The following LRBA variants were observed in gnomAD, a reference collection of about 807,000 sequenced individuals.
LRBA encodes the protein LPS responsive beige-like anchor protein.
A neutral mutation model predicts 330.0 loss-of-function variants in LRBA; 176 were observed. That is an observed-to-expected ratio of 0.53 (90% confidence interval 0.47 to 0.60). The LOEUF (loss-of-function observed/expected upper bound fraction) is 0.60. Ranked by LOEUF, LRBA falls within the 20% of genes least tolerant of loss-of-function variation. The pLI is 0.00. For synonymous variants in LRBA, 1,230 were observed against 1,193.0 expected (o/e 1.03, Z -0.64); for missense variants, 3,259 against 3,444.8 (o/e 0.95, Z 1.35).
chr4:150,665,117 A>C (rs1781454094), intron 37 of LRBA, among the ~76,000 whole-genome samples: 1 of 152,122 alleles, frequency 6.6e-6, no homozygotes, highest in Non-Finnish European at 1.5e-5. Flanking sequence ...TTCCTTACGC[A>C]ATCACACAGG....
chr4:150,292,953 G>A (rs1196428104), intron 53 of LRBA, among the ~76,000 whole-genome samples: 3 of 151,854 alleles, frequency 2.0e-5, no homozygotes, highest in Admixed American at 2.0e-4. Context: ...TGTATCATCT[G>A]AACTTTTATA....
chr4:150,835,552 A>AT lies in LRBA; in HGVS notation c.4570-3577dup, dbSNP rs533207367. On this transcript the variant is annotated intron_variant, in intron 28 of 56. Coordinates refer to ENST00000651943, the MANE Select transcript of LRBA (RefSeq NM_001364905.1). ...TGTAAGTTGGATTCCTAGGTATTTT[A>AT]TTTTTTTTGAAGCAATTGTGAATGG... is the stretch of plus-strand genomic sequence containing the variant. Among the ~76,000 whole-genome samples, 12 of 151,750 alleles carry AT rather than the reference A, an allele frequency of 7.9e-5. No individual in the cohort carries two copies. In the East Asian group the frequency reaches 1.4e-3, roughly 17 times the overall value.
At chr4:150,810,443 G>C (rs1743558448) in intron 31 of LRBA, among the ~76,000 whole-genome samples, 1 of 150,864 alleles carries the variant, frequency 6.6e-6, no homozygotes, top group Non-Finnish European at 1.5e-5. Context: ...TTATATACCG[G>C]AAGTTTTGTA....
chr4:150,466,067 C>T (rs1196178049), intron 44 of LRBA, among the ~76,000 whole-genome samples: 5 of 152,036 alleles, frequency 3.3e-5, no homozygotes, highest in Non-Finnish European at 7.4e-5. Flanking sequence ...ATCACAGGAT[C>T]AGATGATACA....
rs749173978 is a variant in LRBA, at chr4:150,852,136, G to T, written c.3574C>A (p.Pro1192Thr). The change falls in exon 23 of 57, where the codon CCA (proline) becomes ACA (threonine). Residue 1192 changes from proline (P) to threonine (T), a missense_variant. By Grantham distance (38) the Pro-to-Thr change is conservative. Coordinates refer to ENST00000651943, the MANE Select transcript of LRBA (RefSeq NM_001364905.1). Reference sequence around the variant, plus strand: ...GCTATTTGGGAAACAGTAGTTTCTGGTGACATAGCTGAAGACCCTGATGCT... The same window carrying T: ...GCTATTTGGGAAACAGTAGTTTCTGTTGACATAGCTGAAGACCCTGATGCT... The part of the protein sequence containing the change: ...MTASGSSAMS[P>T]ETTVSQIAVE... 57 of 1,613,962 alleles carry T rather than the reference G, an allele frequency of 3.5e-5. No homozygotes were observed. The highest frequency in any genetic ancestry group is 4.6e-5 in the Non-Finnish European group (54 of 1,179,966).
chr4:150,701,944 A>C (rs1258794856), intron 36 of LRBA, among the ~76,000 whole-genome samples: 2 of 152,174 alleles, frequency 1.3e-5, no homozygotes, highest in Admixed American at 6.5e-5. Flanking sequence ...AGTTTTAAAA[A>C]AGTTGTCCTT....
In LRBA at chr4:150,510,428, A is replaced by G. The variant is rs527488757; in HGVS notation, c.6331-19393T>C. ...ACAAACACAGTATAAGTAAAAAGGC[A>G]GTCTGCACTTAAATATTTGTAAAAT... is the stretch of plus-strand genomic sequence containing the variant. On this transcript the variant is annotated intron_variant, in intron 40 of 56. Coordinates refer to ENST00000651943, the MANE Select transcript of LRBA (RefSeq NM_001364905.1). Among the ~76,000 whole-genome samples, 42 of 152,332 alleles carry G rather than the reference A, an allele frequency of 2.8e-4. No individual in the cohort carries two copies. In the South Asian group the frequency reaches 3.7e-3, roughly 14 times the overall value.
chr4:150,359,752 G>A (rs563077627), intron 47 of LRBA, among the ~76,000 whole-genome samples: 46 of 152,114 alleles, frequency 3.0e-4, no homozygotes, highest in Admixed American at 1.6e-3. Context: ...AGGCCGAAGC[G>A]GGTGGATCAC....
At chr4:150,830,159 CT>C (rs1166407685) in intron 29 of LRBA, among the ~76,000 whole-genome samples, 1 of 152,150 alleles carries the variant, frequency 6.6e-6, no homozygotes, top group East Asian at 1.9e-4. Context: ...CCCATGTCTC[CT>C]GGTATGCATC....
chr4:150,370,060 C>G (rs1740042917), intron 47 of LRBA, among the ~76,000 whole-genome samples: 2 of 152,198 alleles, frequency 1.3e-5, no homozygotes, highest in Admixed American at 1.3e-4. Context: ...ACTGTGATAA[C>G]TCTATCTTAA....
intron 42 of LRBA, among the ~76,000 whole-genome samples, chr4:150,479,049 T>C (rs1757015114): frequency 6.6e-6 from 1 of 151,984 alleles, no homozygotes. Context: ...TTTAGGAGGC[T>C]GAGGTGGCAG....
chr4:150,827,032 G>A (rs1463931323), intron 30 of LRBA, among the ~76,000 whole-genome samples: 2 of 152,100 alleles, frequency 1.3e-5, no homozygotes, highest in African/African-American at 4.8e-5. Flanking sequence ...AAAGGTGAGG[G>A]GTGAAGGGTT....
intron 44 of LRBA, among the ~76,000 whole-genome samples, chr4:150,458,405 C>T (rs773535719): frequency 1.3e-5 from 2 of 151,724 alleles, no homozygotes; most frequent in Non-Finnish European, 2.9e-5. Context: ...ACATTGAACA[C>T]GTAATAATTC....
intron 28 of LRBA, among the ~76,000 whole-genome samples, chr4:150,834,911 T>C (rs1747787456): frequency 6.6e-6 from 1 of 152,176 alleles, no homozygotes; most frequent in Non-Finnish European, 1.5e-5. Context: ...CTGCCTAGGT[T>C]TTCTTCTAGG....
Position 150,906,358 on chromosome 4 carries a change from G to A in LRBA, c.1541C>T (p.Ala514Val), listed in dbSNP as rs187493744. Residue 514 changes from alanine (A) to valine (V), a missense_variant, in exon 12 of 57, where the codon GCT (alanine) becomes GTT (valine). Ala to Val is a moderately conservative substitution (Grantham distance 64). Transcript: ENST00000651943. ...FIMELLKNSIAMQEQMLACKG... is the reference protein window; with the variant it reads ...FIMELLKNSIVMQEQMLACKG... Reference sequence around the variant, plus strand: ...ACAGGCAAGCATCTGTTCCTGCATAGCAATTGAGTTCTTCAACAATTCCAT... The same window carrying A: ...ACAGGCAAGCATCTGTTCCTGCATAACAATTGAGTTCTTCAACAATTCCAT... 133 of 1,612,286 alleles carry A rather than the reference G, an allele frequency of 8.2e-5. 3 individuals are homozygous for A. The Admixed American group carries it at 1.5e-3, about 18-fold the overall frequency.
intron 54 of LRBA, among the ~76,000 whole-genome samples, chr4:150,282,927 C>T (rs1030089877): frequency 6.6e-6 from 1 of 152,198 alleles, no homozygotes; most frequent in Non-Finnish European, 1.5e-5. Flanking sequence ...ATTATGCTAA[C>T]AGGCAATACA....
chr4:150,301,951 C>T (rs968754083), intron 53 of LRBA, among the ~76,000 whole-genome samples: 1 of 152,076 alleles, frequency 6.6e-6, no homozygotes, highest in Non-Finnish European at 1.5e-5. Flanking sequence ...TTTTTTCCTA[C>T]TTCTTAATGT....
At chr4:150,930,282 T>C (rs1194327044) in intron 2 of LRBA, among the ~76,000 whole-genome samples, 1 of 151,004 alleles carries the variant, frequency 6.6e-6, no homozygotes, top group Non-Finnish European at 1.5e-5. Context: ...GCCACTGCAC[T>C]GTAGCCTGGG....
chr4:150,952,283 TAGAG>T (rs1010928777), intron 2 of LRBA, among the ~76,000 whole-genome samples: 7 of 152,082 alleles, frequency 4.6e-5, no homozygotes, highest in African/African-American at 4.8e-5. Flanking sequence ...TGTATGTCTA[TAGAG>T]AGAGAGATAG....
Sources: allele counts gnomAD v4.1 joint callset (sites outside exome capture counted in the v4.1 genomes callset), GRCh38; gene constraint gnomAD v4.1.1; transcripts MANE v1.5; gene names NCBI Gene and HGNC (gene_info 2026-07-23, HGNC 2026-07-21).